Variants in E2F7 observed in about 807,000 individuals in gnomAD.
The protein encoded by E2F7 is transcription factor E2F7.
A neutral mutation model predicts 81.1 loss-of-function variants in E2F7; 35 were observed. That is an observed-to-expected ratio of 0.43 (90% CI 0.33 to 0.57). The LOEUF is 0.57. Ranked by LOEUF, E2F7 falls within the 20% of genes least tolerant of loss-of-function variation. The probability of loss-of-function intolerance (pLI) is 0.04; values close to 1 mark genes in which losing one functional copy is unlikely to be tolerated. For missense variants in E2F7, 961 were observed against 1,093.7 expected (o/e 0.88, Z 1.71); for synonymous variants, 416 against 416.2 (o/e 1.00, Z 0.01).
intron 2 of E2F7, 38 bp from the exon 3 acceptor site, chr12:77,056,168 G>T (rs780232310): frequency 6.5e-7 from 1 of 1,545,396 alleles, no homozygotes; most frequent in Non-Finnish European, 8.7e-7. Context: ...GAATGAGAAA[G>T]GGCAGGTATC....
At chr12:77,032,617 A>C (rs576748737) in intron 9 of E2F7, among the ~76,000 whole-genome samples, 3 of 152,220 alleles carry the variant, frequency 2.0e-5, no homozygotes, top group Admixed American at 6.5e-5. Flanking sequence ...CTCTCTGTAA[A>C]ATGAGGGTAA....
intron 2 of E2F7, 100 bp from the exon 3 acceptor site, chr12:77,056,230 T>C (rs1165601400): frequency 1.6e-6 from 2 of 1,229,902 alleles, no homozygotes; most frequent in East Asian, 4.9e-5. Flanking sequence ...AAAATACAAA[T>C]AGGACCATAT....
At chr12:77,061,843 T>C (rs1343654754) in intron 2 of E2F7, among the ~76,000 whole-genome samples, 1 of 152,232 alleles carries the variant, frequency 6.6e-6, no homozygotes, top group Non-Finnish European at 1.5e-5. Flanking sequence ...TCACACCTCA[T>C]GCTGTTACTT....
In E2F7 at chr12:77,026,109, C is replaced by T. The variant is rs1213810799; in HGVS notation, c.2141-127G>A. On this transcript the variant is annotated intron_variant, in intron 11 of 12. Transcript: ENST00000322886. Reference sequence around the variant, plus strand: ...AATCAATGAATGATGAGACCTTCCCCCAGCTGACCAGGCCAAACAGCCCAC... The same window carrying T: ...AATCAATGAATGATGAGACCTTCCCTCAGCTGACCAGGCCAAACAGCCCAC... 12 of 1,135,358 alleles carry T rather than the reference C, an allele frequency of 1.1e-5. No individual in the cohort carries two copies. The East Asian group carries it at 3.1e-4, about 29-fold the overall frequency. The allele number at this position is 1,135,358 out of a possible 1,614,324, so 70.3% of individuals were successfully genotyped here. A position where few individuals can be genotyped will look rare whatever the true frequency, so the allele number is the denominator to read the frequency against.
intron 8 of E2F7, 63 bp from the exon 9 acceptor site, chr12:77,033,185 T>C (rs1294111355): frequency 7.2e-7 from 1 of 1,383,322 alleles, no homozygotes; most frequent in Non-Finnish European, 1.0e-6. Flanking sequence ...AACTATATAC[T>C]GAGAATTATC....
At chr12:77,033,779 G>T in intron 8 of E2F7, 78 bp downstream of exon 8, 1 of 1,379,270 alleles carries the variant, frequency 7.3e-7, no homozygotes, top group Non-Finnish European at 9.6e-7. Context: ...TAAAACGCCA[G>T]CACGTGGGTG....
At chr12:77,061,128 C>T (rs1460163690) in intron 2 of E2F7, among the ~76,000 whole-genome samples, 1 of 152,154 alleles carries the variant, frequency 6.6e-6, no homozygotes, top group African/African-American at 2.4e-5. Flanking sequence ...CTCTGCCGCT[C>T]TCTCATTATT....
intron 7 of E2F7, among the ~76,000 whole-genome samples, chr12:77,035,778 C>A (rs1238494386): frequency 1.3e-5 from 2 of 151,930 alleles, no homozygotes; most frequent in African/African-American, 4.8e-5. Context: ...GAGAAGTAGA[C>A]CAGCACACTA....
intron 3 of E2F7, among the ~76,000 whole-genome samples, chr12:77,053,785 T>C (rs1380842601): frequency 6.6e-6 from 1 of 152,146 alleles, no homozygotes. Context: ...ACCTAAAGGA[T>C]GTATGTTGAT....
intron 3 of E2F7, among the ~76,000 whole-genome samples, chr12:77,055,602 A>C (rs1955025281): frequency 6.6e-6 from 1 of 152,196 alleles, no homozygotes. Context: ...AATAAAAATG[A>C]TTAAATATCA....
At chr12:77,041,734 T>C (rs1275083266) in intron 7 of E2F7, among the ~76,000 whole-genome samples, 1 of 152,212 alleles carries the variant, frequency 6.6e-6, no homozygotes, top group Non-Finnish European at 1.5e-5. Flanking sequence ...GTATCCTCTC[T>C]GAATGCCTAC....
chr12:77,031,444 C>T (rs1954806733), intron 9 of E2F7, among the ~76,000 whole-genome samples: 1 of 152,036 alleles, frequency 6.6e-6, no homozygotes, highest in African/African-American at 2.4e-5. Context: ...AGTTCAAGAC[C>T]AGCCTGGCTA....
Position 77,025,566 on chromosome 12 carries a change from A to G in E2F7, c.2557T>C (p.Leu853=). Residue 853 remains leucine, a synonymous_variant, in exon 12 of 13, where the codon TTA becomes CTA. Transcript: ENST00000322886. ...YVGHPVSVVK[L]HQSPVPVTPK... ...GAAACTTCAGGCCTCACCTGATGTA[A>G]TTTTACTACTGAGACTGGATGTCCC... 6.2e-7 allele frequency: 1 copy of G among 1,613,988 alleles called. No individual in the cohort carries two copies. The highest frequency in any genetic ancestry group is 1.3e-5 in the African/African-American group (1 of 75,024).
intron 10 of E2F7, among the ~76,000 whole-genome samples, chr12:77,028,701 C>T (rs1401351130): frequency 2.0e-5 from 3 of 151,860 alleles, no homozygotes; most frequent in African/African-American, 7.3e-5. Context: ...GTCTCGATTT[C>T]CTGACCCGGT....
chr12:77,059,316 G>T (rs1354238405), intron 2 of E2F7, among the ~76,000 whole-genome samples: 1 of 152,134 alleles, frequency 6.6e-6, no homozygotes, highest in Non-Finnish European at 1.5e-5. Flanking sequence ...CCATCTGTCT[G>T]TCCTGCTATG....
At chr12:77,056,682 G>GT (rs546889606) in intron 2 of E2F7, among the ~76,000 whole-genome samples, 2 of 152,098 alleles carry the variant, frequency 1.3e-5, no homozygotes, top group East Asian at 3.9e-4. Flanking sequence ...TAAAGGACTC[G>GT]TTTTTTTAGA....
chr12:77,045,983 G>A, intron 5 of E2F7, 55 bp downstream of exon 5: 1 of 1,571,942 alleles, frequency 6.4e-7, no homozygotes. Flanking sequence ...ATCTGCAGAA[G>A]AGACCATCAC....
intron 3 of E2F7, among the ~76,000 whole-genome samples, chr12:77,055,630 A>G (rs1955025588): frequency 6.6e-6 from 1 of 152,214 alleles, no homozygotes; most frequent in Admixed American, 6.5e-5. Context: ...AAAATAATTT[A>G]TCATTTTTAA....
intron 6 of E2F7, 25 bp downstream of exon 6, chr12:77,044,612 A>C: frequency 4.3e-6 from 7 of 1,610,650 alleles, no homozygotes; most frequent in Non-Finnish European, 5.9e-6. Context: ...TGTGCTAGTA[A>C]GTTGATGGAG....
Sources: gnomAD v4.1 joint callset for allele counts (sites outside exome capture counted in the v4.1 genomes callset) on GRCh38, gnomAD v4.1.1 for gene constraint, MANE v1.5 for transcripts, NCBI Gene and HGNC (gene_info 2026-07-23, HGNC 2026-07-21) for gene names.